MYO15B: variants seen among roughly 807,000 people sequenced by gnomAD.
The protein encoded by MYO15B is myosin XVB.
MYO15B carries 207 observed loss-of-function variants against 119.3 expected under a neutral mutation model. That is an observed-to-expected ratio of 1.73 (90% CI 1.55 to 1.95). The LOEUF is 1.95. Among genes scored for constraint, MYO15B ranks in the 30% most tolerant of loss-of-function variants. The probability of loss-of-function intolerance (pLI) is 0.00; values close to 1 mark genes in which losing one functional copy is unlikely to be tolerated. For synonymous variants in MYO15B, 966 were observed against 498.9 expected, an observed-to-expected ratio of 1.94 and a Z score of -12.48; for missense variants, 2,264 against 1,203.1, an observed-to-expected ratio of 1.88 and a Z score of -13.04.
intron 9 of MYO15B, among the ~76,000 whole-genome samples, chr17:75,593,872 C>G (rs820253): frequency 6.7e-6 from 1 of 149,676 alleles, no homozygotes; most frequent in Non-Finnish European, 1.5e-5. Context: ...TGAGCCAAGA[C>G]TATGCCATTG....
At chr17:75,614,836 C>T (rs1479349330) in exon 32 of MYO15B, 1 of 702,742 alleles carries the variant, frequency 1.4e-6, no homozygotes, top group Admixed American at 2.0e-5. Context: ...CCAGTGATAT[C>T]CTCCGGCCTC....
chr17:75,607,792 T>C (rs985649906), intron 21 of MYO15B, among the ~76,000 whole-genome samples: 1 of 152,060 alleles, frequency 6.6e-6, no homozygotes, highest in Non-Finnish European at 1.5e-5. Flanking sequence ...CTTTGGGGTA[T>C]AGGCCAAGGA....
rs576886852 is a variant in MYO15B, at chr17:75,593,320, A to G, written c.2991+480A>G. On this transcript the variant is annotated intron_variant, in intron 9 of 63. Coordinates refer to ENST00000645453, the Ensembl canonical transcript of MYO15B. Reference sequence around the variant, plus strand: ...GGAATTCTAGAGCAGCCTGGGCAACATGGCAAAATCTTGTCTCTACAAAAA... The same window carrying G: ...GGAATTCTAGAGCAGCCTGGGCAACGTGGCAAAATCTTGTCTCTACAAAAA... 5.9e-5 allele frequency among the ~76,000 whole-genome samples: 9 copies of G among 152,172 alleles called. No homozygotes were observed. The South Asian group carries it at 1.7e-3, about 28-fold the overall frequency.
chr17:75,610,977 TGGG>T lies in MYO15B; in HGVS notation c.4446+22_4446+24del, dbSNP rs1219881983. The T allele has an allele frequency of 2.8e-6, 2 of 702,548 alleles. No individual in the cohort carries two copies. Among genetic ancestry groups the T allele is most frequent in the African/African-American group, 3.5e-5 (2 of 57,142 alleles). The allele number at this position is 702,548 out of a possible 1,614,324, so 43.5% of individuals were successfully genotyped here. A position where few individuals can be genotyped will look rare whatever the true frequency, so the allele number is the denominator to read the frequency against. On this transcript the variant is annotated intron_variant, in intron 23 of 63. Transcript: ENST00000645453. ...CAAGCATGGTAGGTGGCCTGGAAAG[TGGG>T]GGGTTTTACATGGGGCTATGAACCT...
chr17:75,614,586 C>T lies in MYO15B; in HGVS notation c.5385C>T (p.Ala1795=), dbSNP rs190814545. The T allele has an allele frequency of 8.8e-4, 618 of 700,784 alleles. 10 individuals carry two copies. Among genetic ancestry groups the T allele is most frequent in the South Asian group, 8.0e-3 (543 of 67,470 alleles). 43.4% of individuals were successfully genotyped at this position (700,784 alleles called of 1,614,324 possible). A position where few individuals can be genotyped will look rare whatever the true frequency, so the allele number is the denominator to read the frequency against. ...AGCTGGATCCCGTTTCCTGCAGAGCCGAGGCCATTCCCCTTGCCCCTGGCA... is the reference window on the plus strand; with the variant it reads ...AGCTGGATCCCGTTTCCTGCAGAGCTGAGGCCATTCCCCTTGCCCCTGGCA... Residue 1795 remains alanine, a synonymous_variant, in exon 31 of 64, where the codon GCC becomes GCT. Coordinates refer to ENST00000645453, the Ensembl canonical transcript of MYO15B.
intron 22 of MYO15B, chr17:75,610,623 T>G: frequency 3.6e-6 from 2 of 552,954 alleles, no homozygotes; most frequent in Non-Finnish European, 6.5e-6. Context: ...ACCCCCTCTC[T>G]GGCCCCTCCC....
chr17:75,598,182 C>T (rs906139531), intron 14 of MYO15B, among the ~76,000 whole-genome samples: 15 of 147,192 alleles, frequency 1.0e-4, no homozygotes, highest in African/African-American at 3.5e-4. Context: ...GCAGGAGAAT[C>T]GCTTGAACCC....
intron 21 of MYO15B, 49 bp downstream of exon 21, chr17:75,606,070 G>C: frequency 1.6e-6 from 1 of 634,986 alleles, no homozygotes; most frequent in Non-Finnish European, 2.9e-6. Context: ...TGAGGCCGTG[G>C]GTTCGTCCTC....
exon 59 of MYO15B, chr17:75,624,891 C>T (rs867206323): frequency 1.1e-5 from 8 of 698,094 alleles, no homozygotes; most frequent in Non-Finnish European, 2.1e-5. Context: ...GATAACTCCA[C>T]CTACATCAGC....
At chr17:75,624,735 G>C (rs1304199663) in intron 58 of MYO15B, 36 bp from the exon 59 acceptor site, 2 of 702,432 alleles carry the variant, frequency 2.8e-6, no homozygotes. Flanking sequence ...GGGTGTGTGT[G>C]GTCTGAGCAG....
Position 75,619,803 on chromosome 17 carries a change from C to T in MYO15B, c.7301+4C>T, listed in dbSNP as rs550914561. 1.8e-5 allele frequency: 13 copies of T among 702,832 alleles called. No homozygotes were observed. Among genetic ancestry groups the T allele is most frequent in the South Asian group, 1.2e-4 (8 of 67,586 alleles). The allele number at this position is 702,832 out of a possible 1,614,324, so 43.5% of individuals were successfully genotyped here. On this transcript the variant is annotated splice_donor_region_variant and intron_variant, in intron 46 of 63. Transcript: ENST00000645453. ...TGAAGATTCTCTGCTCATACAGGTG[C>T]GCTAGCCCACGACCCTGGGCTAGAG...
chr17:75,619,121 G>A (rs1244351969), intron 43 of MYO15B, 22 bp from the exon 44 acceptor site: 1 of 702,676 alleles, frequency 1.4e-6, no homozygotes, highest in Non-Finnish European at 2.6e-6. Context: ...ACCTGGTGGT[G>A]ACCACCTCGC....
chr17:75,610,007 A>G (rs2057918513), intron 21 of MYO15B, among the ~76,000 whole-genome samples, 159 bp from the exon 22 acceptor site: 2 of 152,172 alleles, frequency 1.3e-5, no homozygotes, highest in African/African-American at 2.4e-5. Context: ...TTTCTTTTGA[A>G]GTATCCTATT....
rs529236821 is a variant in MYO15B, at chr17:75,614,152, C to T, written c.5220-47C>T. 150 of 695,562 alleles carry T rather than the reference C, an allele frequency of 2.2e-4. No homozygotes were observed. The African/African-American group carries it at 2.2e-3, about 10-fold the overall frequency. The allele number at this position is 695,562 out of a possible 1,614,324, so 43.1% of individuals were successfully genotyped here. A position where few individuals can be genotyped will look rare whatever the true frequency, so the allele number is the denominator to read the frequency against. On this transcript the variant is annotated intron_variant, in intron 29 of 63. Coordinates refer to ENST00000645453, the Ensembl canonical transcript of MYO15B. ...TTGGCCCACCCTGTGGTCCTTGCCC[C>T]CTTCTGGATGGCCGCCTGCCTCACT...
intron 9 of MYO15B, among the ~76,000 whole-genome samples, chr17:75,593,804 A>C (rs549579620): frequency 2.6e-5 from 4 of 151,646 alleles, no homozygotes; most frequent in South Asian, 2.1e-4. Context: ...CTATAATCCC[A>C]GCTACTTAGG....
At chr17:75,594,659 C>T in intron 10 of MYO15B, 42 bp from the exon 11 acceptor site, 1 of 701,530 alleles carries the variant, frequency 1.4e-6, no homozygotes, top group Non-Finnish European at 2.6e-6. Flanking sequence ...ACCATGAGGG[C>T]TGCAGGCCTG....
chr17:75,624,987 C>T (rs1315186135), intron 59 of MYO15B, 71 bp downstream of exon 59: 12 of 683,804 alleles, frequency 1.8e-5, no homozygotes, highest in South Asian at 6.2e-5. Flanking sequence ...GACCTCCAAG[C>T]CCCTCTCCCC....
chr17:75,596,987 G>A (rs911560758), intron 14 of MYO15B, 88 bp downstream of exon 14: 11 of 619,950 alleles, frequency 1.8e-5, no homozygotes, highest in Non-Finnish European at 2.9e-5. Flanking sequence ...GAGCCTCCCA[G>A]AGGGGACAAG....
exon 1 of MYO15B, chr17:75,588,164 G>C (rs138310978): frequency 2.5e-6 from 1 of 397,966 alleles, no homozygotes; most frequent in Admixed American, 4.4e-5. Context: ...GCGCCCAGCC[G>C]GGAACGCCGT....
Sources: gnomAD v4.1 joint callset for allele counts (sites outside exome capture counted in the v4.1 genomes callset) on GRCh38, gnomAD v4.1.1 for gene constraint, MANE v1.5 for transcripts, NCBI Gene and HGNC (gene_info 2026-07-23, HGNC 2026-07-21) for gene names.